The following RPS6KC1 variants were observed in gnomAD, a reference collection of about 807,000 sequenced individuals.
The protein encoded by RPS6KC1 is ribosomal protein S6 kinase C1, also known as inactive ribosomal protein S6 kinase delta-1.
A neutral mutation model predicts 103.8 loss-of-function variants in RPS6KC1; 54 were observed. That is an observed-to-expected ratio of 0.52 (90% CI 0.42 to 0.65). The LOEUF is 0.65. Among genes scored for constraint, RPS6KC1 ranks in the 30% least tolerant of loss-of-function variants. The probability of loss-of-function intolerance (pLI) is 0.00; values close to 1 mark genes in which losing one functional copy is unlikely to be tolerated. For synonymous variants in RPS6KC1, 439 were observed against 438.7 expected (o/e 1.00, Z -0.01); for missense variants, 1,151 against 1,253.8 (o/e 0.92, Z 1.24).
chr1:213,386,018 C>T, the RPS6KC1 span, among the ~76,000 whole-genome samples: 1 of 152,172 alleles, frequency 6.6e-6, no homozygotes, highest in East Asian at 1.9e-4. Flanking sequence ...GAAGTTTGAT[C>T]CTCAATGTTG....
At chr1:213,313,652 C>G in the RPS6KC1 span, among the ~76,000 whole-genome samples, 9 of 152,324 alleles carry the variant, frequency 5.9e-5, no homozygotes, top group African/African-American at 1.9e-4. Flanking sequence ...CAAAGTATCA[C>G]AAACTGGGTG....
chr1:213,752,875 A>G, the RPS6KC1 span, among the ~76,000 whole-genome samples: 1 of 152,270 alleles, frequency 6.6e-6, no homozygotes, highest in Admixed American at 6.5e-5. Flanking sequence ...GTTATAATCC[A>G]CTTCCAAGCC....
At chr1:213,275,493 A>T (rs1280727953), downstream of RPS6KC1, among the ~76,000 whole-genome samples, 1 of 152,216 alleles carries the variant, frequency 6.6e-6, no homozygotes, top group Non-Finnish European at 1.5e-5. Context: ...CCCAAGAGTG[A>T]AAAGAATGTC....
At chr1:213,626,077 CCT>C in the RPS6KC1 span, among the ~76,000 whole-genome samples, 14 of 152,316 alleles carry the variant, frequency 9.2e-5, no homozygotes, top group Non-Finnish European at 1.8e-4. Flanking sequence ...TTCTCCACAT[CCT>C]CTCCAGCATC....
chr1:213,497,096 G>A, the RPS6KC1 span, among the ~76,000 whole-genome samples: 1 of 152,160 alleles, frequency 6.6e-6, no homozygotes, highest in Non-Finnish European at 1.5e-5. Flanking sequence ...TAAATCAGCA[G>A]AGAAAAATAG....
At chr1:213,651,910 T>G in the RPS6KC1 span, among the ~76,000 whole-genome samples, 2 of 152,170 alleles carry the variant, frequency 1.3e-5, no homozygotes, top group Non-Finnish European at 1.5e-5. Flanking sequence ...TTCATTTGGA[T>G]TCATGAGGGT....
the RPS6KC1 span, among the ~76,000 whole-genome samples, chr1:213,428,480 C>CCCTTCCTTCCTT: frequency 2.6e-3 from 73 of 28,482 alleles, no homozygotes; most frequent in African/African-American, 9.1e-3. Flanking sequence ...CTCCCTCCCT[C>CCCTTCCTTCCTT]CCTTCCTTCC....
chr1:213,829,043 T>A, the RPS6KC1 span, among the ~76,000 whole-genome samples: 1 of 152,166 alleles, frequency 6.6e-6, no homozygotes, highest in African/African-American at 2.4e-5. Flanking sequence ...ACTGGGCAGA[T>A]AATTGCTCTG....
the RPS6KC1 span, among the ~76,000 whole-genome samples, chr1:213,622,372 T>C: frequency 6.6e-6 from 1 of 152,104 alleles, no homozygotes; most frequent in Non-Finnish European, 1.5e-5. Context: ...GAATGCAAGT[T>C]GCAGCCTCCT....
chr1:213,242,710 T>C, intron 12 of RPS6KC1, 52 bp downstream of exon 12: 1 of 1,276,406 alleles, frequency 7.8e-7, no homozygotes, highest in Non-Finnish European at 1.1e-6. Context: ...TCGGCAGCTC[T>C]CATTTCTTTA....
chr1:213,173,035 T>C (rs917319742), intron 7 of RPS6KC1, among the ~76,000 whole-genome samples: 1 of 152,226 alleles, frequency 6.6e-6, no homozygotes, highest in African/African-American at 2.4e-5. Flanking sequence ...CCCTCTTATC[T>C]ATTACCTACT....
the RPS6KC1 span, among the ~76,000 whole-genome samples, chr1:213,348,881 C>G: frequency 6.6e-6 from 1 of 152,212 alleles, no homozygotes; most frequent in Non-Finnish European, 1.5e-5. Context: ...AGCACAGTGT[C>G]TGGACAGAGG....
chr1:213,475,499 G>T, the RPS6KC1 span, among the ~76,000 whole-genome samples: 1 of 152,154 alleles, frequency 6.6e-6, no homozygotes, highest in Non-Finnish European at 1.5e-5. Flanking sequence ...AGCAGAGGCA[G>T]CTTTTCTTTC....
chr1:213,592,642 T>G, the RPS6KC1 span, among the ~76,000 whole-genome samples: 1 of 152,240 alleles, frequency 6.6e-6, no homozygotes, highest in African/African-American at 2.4e-5. Context: ...TTGTGAATTG[T>G]GATATTAATT....
the RPS6KC1 span, among the ~76,000 whole-genome samples, chr1:213,815,992 T>C: frequency 6.6e-6 from 1 of 152,146 alleles, no homozygotes; most frequent in Non-Finnish European, 1.5e-5. Flanking sequence ...AATATGATTG[T>C]GCCTCAGGGA....
At chr1:213,175,987 G>GT (rs926901118) in intron 7 of RPS6KC1, among the ~76,000 whole-genome samples, 10 of 152,184 alleles carry the variant, frequency 6.6e-5, no homozygotes, top group Admixed American at 5.2e-4. Flanking sequence ...TTATTATATT[G>GT]TTTTTTAGTT....
At chr1:213,545,419 A>AAAT in the RPS6KC1 span, among the ~76,000 whole-genome samples, 3 of 75,646 alleles carry the variant, frequency 4.0e-5, no homozygotes, top group East Asian at 7.5e-4. Context: ...AATAAATAAA[A>AAAT]TAAAATAAAA....
At chr1:213,117,276 C>A in intron 4 of RPS6KC1, 41 bp from the exon 5 acceptor site, 1 of 1,161,238 alleles carries the variant, frequency 8.6e-7, no homozygotes, top group Non-Finnish European at 1.3e-6. Context: ...GTTGTTTATG[C>A]TCTTAATGCT....
At chr1:213,411,394 G>A in the RPS6KC1 span, among the ~76,000 whole-genome samples, 1 of 152,184 alleles carries the variant, frequency 6.6e-6, no homozygotes, top group East Asian at 1.9e-4. Context: ...GATACAGTAG[G>A]CCATCGGGCT....
Sources: allele counts gnomAD v4.1 joint callset (sites outside exome capture counted in the v4.1 genomes callset), GRCh38; gene constraint gnomAD v4.1.1; transcripts MANE v1.5; gene names NCBI Gene and HGNC (gene_info 2026-07-23, HGNC 2026-07-21).